The following RHOBTB1 variants were observed in gnomAD, a reference collection of about 807,000 sequenced individuals.
RHOBTB1 encodes rho-related BTB domain-containing protein 1.
In RHOBTB1, 40 loss-of-function variants were observed where a neutral mutation model predicts 71.6. The ratio of observed to expected loss-of-function variants is 0.56; its 90% confidence interval spans 0.43 to 0.73. The LOEUF is 0.73. RHOBTB1 is among the 30% of genes least tolerant of loss of function. The pLI is 0.00. For missense variants in RHOBTB1, 797 were observed against 894.0 expected (o/e 0.89, Z 1.38); for synonymous variants, 319 against 334.9 (o/e 0.95, Z 0.52).
Position 60,871,468 on chromosome 10 carries a change from T to A in RHOBTB1, c.*14A>T. ...CCGATTGGTTTCTGTTTTTTGTTTT[T>A]TTTCTCTTCCTCTTCAGGCCACTGC... On this transcript the variant is annotated 3_prime_UTR_variant, in exon 11 of 11. Coordinates refer to ENST00000337910, the MANE Select transcript of RHOBTB1 (RefSeq NM_014836.5). The A allele has an allele frequency of 6.2e-7, 1 of 1,609,008 alleles. No individual in the cohort carries two copies. Among genetic ancestry groups the A allele is most frequent in the South Asian group, 1.1e-5 (1 of 89,968 alleles).
upstream of RHOBTB1, among the ~76,000 whole-genome samples, chr10:60,949,031 G>T (rs1263272563): frequency 6.6e-6 from 1 of 152,166 alleles, no homozygotes; most frequent in East Asian, 1.9e-4. Context: ...ATAGGCTGTT[G>T]GGCTCCAGCT....
intron 1 of RHOBTB1, among the ~76,000 whole-genome samples, chr10:60,987,919 C>CTTTTTTTTTTTTT (rs71018937): frequency 1.9e-5 from 1 of 53,738 alleles, no homozygotes; most frequent in African/African-American, 7.3e-5. Context: ...AAATACTCAA[C>CTTTTTTTTTTTTT]TTTTTTTTTT....
chr10:60,906,559 CTG>C (rs2082687793), intron 4 of RHOBTB1, among the ~76,000 whole-genome samples: 1 of 152,230 alleles, frequency 6.6e-6, no homozygotes, highest in Non-Finnish European at 1.5e-5. Context: ...CAGCTGCACT[CTG>C]TCCTGGCTGT....
At chr10:60,875,390 T>A (rs2081004599) in intron 8 of RHOBTB1, among the ~76,000 whole-genome samples, 1 of 152,226 alleles carries the variant, frequency 6.6e-6, no homozygotes, top group Admixed American at 6.5e-5. Flanking sequence ...GTTCAGCTCC[T>A]CATTCACGCT....
intron 5 of RHOBTB1, among the ~76,000 whole-genome samples, chr10:60,892,342 T>G (rs1323001655): frequency 1.3e-5 from 2 of 152,152 alleles, no homozygotes; most frequent in East Asian, 3.8e-4. Context: ...ATCTTGAGAA[T>G]GAAATACTGT....
At chr10:60,884,419 G>A (rs1438960208) in intron 7 of RHOBTB1, among the ~76,000 whole-genome samples, 30 of 152,206 alleles carry the variant, frequency 2.0e-4, no homozygotes, top group African/African-American at 2.4e-5. Flanking sequence ...TAAAAAAGAT[G>A]TTAAAAATAC....
intron 7 of RHOBTB1, among the ~76,000 whole-genome samples, chr10:60,881,194 C>T (rs1296665080): frequency 3.9e-5 from 6 of 152,184 alleles, no homozygotes; most frequent in African/African-American, 1.2e-4. Context: ...TGTCTTCCAC[C>T]ATGATTGTGA....
chr10:60,950,727 G>A (rs576618989), intron 2 of RHOBTB1, among the ~76,000 whole-genome samples: 125 of 152,336 alleles, frequency 8.2e-4, no homozygotes, highest in African/African-American at 2.7e-3. Flanking sequence ...ACTCATAAGT[G>A]TAAAAACGGG....
At chr10:60,921,586 A>T (rs2083565993) in intron 2 of RHOBTB1, among the ~76,000 whole-genome samples, 1 of 152,194 alleles carries the variant, frequency 6.6e-6, no homozygotes, top group Non-Finnish European at 1.5e-5. Context: ...AGAAATTGTT[A>T]TTCATCTTTA....
chr10:60,951,201 A>G (rs1449224693), intron 2 of RHOBTB1, among the ~76,000 whole-genome samples: 2 of 152,224 alleles, frequency 1.3e-5, no homozygotes, highest in African/African-American at 4.8e-5. Context: ...TAACTTGTAT[A>G]TAGATACCAC....
At chr10:60,900,885 T>G (rs188034611) in intron 4 of RHOBTB1, among the ~76,000 whole-genome samples, 1 of 152,252 alleles carries the variant, frequency 6.6e-6, no homozygotes, top group Non-Finnish European at 1.5e-5. Context: ...TTTAATTATT[T>G]GAATTTCTCT....
chr10:60,958,167 A>G (rs1346541014), intron 2 of RHOBTB1, among the ~76,000 whole-genome samples: 3 of 152,202 alleles, frequency 2.0e-5, no homozygotes, highest in Non-Finnish European at 4.4e-5. Flanking sequence ...AAGAAATCAT[A>G]AGGAACTTGA....
intron 1 of RHOBTB1, among the ~76,000 whole-genome samples, chr10:60,995,756 A>G (rs2087025990): frequency 6.6e-6 from 1 of 152,046 alleles, no homozygotes; most frequent in South Asian, 2.1e-4. Flanking sequence ...TTTTTTGTTA[A>G]TGCAATTTCA....
At chr10:60,993,082 A>G (rs2086923880) in intron 1 of RHOBTB1, among the ~76,000 whole-genome samples, 1 of 152,116 alleles carries the variant, frequency 6.6e-6, no homozygotes, top group African/African-American at 2.4e-5. Flanking sequence ...GTGTGTAACA[A>G]TGGAAATGGT....
intron 2 of RHOBTB1, among the ~76,000 whole-genome samples, chr10:60,956,332 C>T (rs1180266521): frequency 1.3e-5 from 2 of 152,136 alleles, no homozygotes; most frequent in South Asian, 2.1e-4. Flanking sequence ...GGAAGTTGTT[C>T]TGGGTGAGTC....
At chr10:60,967,064 G>C (rs922591157) in intron 2 of RHOBTB1, among the ~76,000 whole-genome samples, 7 of 152,002 alleles carry the variant, frequency 4.6e-5, no homozygotes, top group African/African-American at 1.7e-4. Flanking sequence ...GTGAGGGAGC[G>C]ATGCAGTATG....
In RHOBTB1 at chr10:60,906,519, T is replaced by C. The variant is rs79571401; in HGVS notation, c.296+4368A>G. 8.1e-3 allele frequency among the ~76,000 whole-genome samples: 1,240 copies of C among 152,316 alleles called. 17 individuals carry two copies. The highest frequency in any genetic ancestry group is 0.029 in the African/African-American group (1,201 of 41,574). On this transcript the variant is annotated intron_variant, in intron 4 of 10. Transcript: ENST00000337910. ...ATGGTGGATGGGGAAGATATGGGCT[T>C]TGGAGTCAGACAGATTCAAGAGGAA...
intron 4 of RHOBTB1, among the ~76,000 whole-genome samples, chr10:60,906,292 C>T (rs528294479): frequency 1.8e-4 from 27 of 152,280 alleles, no homozygotes; most frequent in Middle Eastern, 3.4e-3. Flanking sequence ...ACTCATGCTC[C>T]GCTACTTAAT....
intron 6 of RHOBTB1, among the ~76,000 whole-genome samples, chr10:60,887,467 G>T (rs2081641248): frequency 6.6e-6 from 1 of 152,216 alleles, no homozygotes; most frequent in African/African-American, 2.4e-5. Flanking sequence ...AACAAAAATA[G>T]TCCAAGTGTA....
Sources: gnomAD v4.1 joint callset for allele counts (sites outside exome capture counted in the v4.1 genomes callset) on GRCh38, gnomAD v4.1.1 for gene constraint, MANE v1.5 for transcripts, NCBI Gene and HGNC (gene_info 2026-07-23, HGNC 2026-07-21) for gene names.